NDUFAF1: variants seen among roughly 807,000 people sequenced by gnomAD.
The protein encoded by NDUFAF1 is complex I intermediate-associated protein 30, mitochondrial.
NDUFAF1 carries 18 observed loss-of-function variants against 28.7 expected under a neutral mutation model. The ratio of observed to expected loss-of-function variants is 0.63; its 90% CI spans 0.43 to 0.93. The LOEUF (loss-of-function observed/expected upper bound fraction) is 0.93. NDUFAF1 is among the 40% of genes least tolerant of loss of function. The probability of loss-of-function intolerance (pLI) is 0.00; values close to 1 mark genes in which losing one functional copy is unlikely to be tolerated. For synonymous variants in NDUFAF1, 113 were observed against 139.7 expected (o/e 0.81, Z 1.35); for missense variants, 404 against 398.3 (o/e 1.01, Z -0.12).
At chr15:41,392,227 C>T (rs28393472) in intron 3 of NDUFAF1, among the ~76,000 whole-genome samples, 13,250 of 151,960 alleles carry the variant, frequency 0.087, 726 homozygotes, top group African/African-American at 0.16. Context: ...CGTGTGCCAC[C>T]ACCTGCTGCT....
Position 41,395,162 on chromosome 15 carries a change from C to T in NDUFAF1, c.574-118G>A. ...CTAACCATTTTTCTGACTTTCTGCC[C>T]CATAAGAAGGCACATAAACCCAGTG... On this transcript the variant is annotated intron_variant, in intron 2 of 4. Coordinates refer to ENST00000260361, the MANE Select transcript of NDUFAF1 (RefSeq NM_016013.4). 3.4e-6 allele frequency: 3 copies of T among 877,964 alleles called. No individual in the cohort carries two copies. In the South Asian group the frequency reaches 4.3e-5, roughly 12 times the overall value. The allele number at this position is 877,964 out of a possible 1,614,324, so 54.4% of individuals were successfully genotyped here. A position where few individuals can be genotyped will look rare whatever the true frequency, so the allele number is the denominator to read the frequency against.
In NDUFAF1 at chr15:41,397,091, C is replaced by G. The variant is rs766675988; in HGVS notation, c.-32G>C. The G allele has an allele frequency of 6.2e-7, 1 of 1,603,284 alleles. No individual in the cohort carries two copies. Among genetic ancestry groups the G allele is most frequent in the Non-Finnish European group, 8.5e-7 (1 of 1,172,380 alleles). ...AAAAAATCAAAATGTAAGTTTCTTC[C>G]TGGGCTAGCAAGGGCCACCAAGAAG... is the stretch of plus-strand genomic sequence containing the variant. On this transcript the variant is annotated 5_prime_UTR_variant, in exon 2 of 5. Transcript: ENST00000260361.
intron 4 of NDUFAF1, 89 bp from the exon 5 acceptor site, chr15:41,387,682 T>C: frequency 8.8e-7 from 1 of 1,135,724 alleles, no homozygotes; most frequent in Non-Finnish European, 1.3e-6. Context: ...CAGGTGATGA[T>C]TATAACTGGG....
chr15:41,393,297 T>C lies in NDUFAF1; in HGVS notation c.759+1562A>G, dbSNP rs543034161. ...ACACCACCATGCCCGGCTAATTTTT[T>C]TTTTTTTTTTTTTTTTTTTGAGACG... On this transcript the variant is annotated intron_variant, in intron 3 of 4. Coordinates refer to ENST00000260361, the MANE Select transcript of NDUFAF1 (RefSeq NM_016013.4). Among the ~76,000 whole-genome samples the C allele has an allele frequency of 3.4e-3, 484 of 142,364 alleles. 5 individuals carry two copies. The highest frequency in any genetic ancestry group is 0.012 in the African/African-American group (464 of 38,490). The allele number at this position is 142,364 out of a possible 152,430, so 93.4% of individuals were successfully genotyped here.
chr15:41,402,985 C>T (rs1426629307), upstream of NDUFAF1, among the ~76,000 whole-genome samples: 2 of 151,986 alleles, frequency 1.3e-5, no homozygotes, highest in African/African-American at 2.4e-5. Flanking sequence ...CCGCCTCGGC[C>T]TCCCAAAGTG....
chr15:41,394,191 G>A (rs1566823360), intron 3 of NDUFAF1: 2 of 462,962 alleles, frequency 4.3e-6, no homozygotes, highest in Non-Finnish European at 4.3e-6. Flanking sequence ...ACCACGCCCA[G>A]CTAATTTTGT....
At chr15:41,400,279 G>A (rs1566827372) in intron 1 of NDUFAF1, among the ~76,000 whole-genome samples, 1 of 147,346 alleles carries the variant, frequency 6.8e-6, no homozygotes, top group South Asian at 2.2e-4. Context: ...GCTAAGGCAG[G>A]AGAATAGCTT....
Position 41,402,473 on chromosome 15 carries a change from G to T in NDUFAF1, c.-411C>A, listed in dbSNP as rs995876103. The T allele has an allele frequency of 3.1e-5, 12 of 383,206 alleles. No homozygotes were observed. The highest frequency in any genetic ancestry group is 2.3e-4 in the African/African-American group (11 of 47,718). The allele number at this position is 383,206 out of a possible 1,614,324, so 23.7% of individuals were successfully genotyped here. A position where few individuals can be genotyped will look rare whatever the true frequency, so the allele number is the denominator to read the frequency against. On this transcript the variant is annotated 5_prime_UTR_variant, in exon 1 of 5. Coordinates refer to ENST00000260361, the MANE Select transcript of NDUFAF1 (RefSeq NM_016013.4). ...TCCCCGAGCCTATAGTGTACCTTCC[G>T]CCCAGAAGCCACTTTACCCGTATAG...
intron 3 of NDUFAF1, among the ~76,000 whole-genome samples, chr15:41,390,724 CAA>C (rs574547415): frequency 4.8e-4 from 57 of 117,764 alleles, no homozygotes; most frequent in African/African-American, 1.5e-3. Context: ...GACTCTGTCT[CAA>C]AAAAAAAAAA....
intron 1 of NDUFAF1, among the ~76,000 whole-genome samples, chr15:41,400,703 T>TAG: frequency 7.1e-6 from 1 of 140,244 alleles, no homozygotes; most frequent in Non-Finnish European, 1.5e-5. Flanking sequence ...TTTTTTTTTT[T>TAG]TTTTTTTGGA....
At chr15:41,396,034 G>C (rs1479327478) in intron 2 of NDUFAF1, among the ~76,000 whole-genome samples, 2 of 151,316 alleles carry the variant, frequency 1.3e-5, no homozygotes, top group Admixed American at 6.6e-5. Context: ...GTTGCAGTGA[G>C]CCGAGATCAC....
In NDUFAF1 at chr15:41,387,511, T is replaced by C. The variant is rs2050267089; in HGVS notation, c.917A>G (p.Asp306Gly). Residue 306 changes from aspartate (D) to glycine (G), a missense_variant, in exon 5 of 5, where the codon GAT becomes GGT. Asp to Gly is a moderately conservative substitution (Grantham distance 94). Coordinates refer to ENST00000260361, the MANE Select transcript of NDUFAF1 (RefSeq NM_016013.4). ...LEIDFIGVFT[D>G]PAHTEEFAYE... Reference sequence around the variant, plus strand: ...GGCAAATTCTTCTGTATGAGCTGGATCAGTAAACACGCCAATAAAATCTAT... The same window carrying C: ...GGCAAATTCTTCTGTATGAGCTGGACCAGTAAACACGCCAATAAAATCTAT... 6.2e-7 allele frequency: 1 copy of C among 1,613,382 alleles called. No homozygotes were observed. Among genetic ancestry groups the C allele is most frequent in the South Asian group, 1.1e-5 (1 of 91,088 alleles).
chr15:41,390,359 C>T (rs1432079117), intron 3 of NDUFAF1, among the ~76,000 whole-genome samples: 2 of 152,120 alleles, frequency 1.3e-5, no homozygotes, highest in Non-Finnish European at 2.9e-5. Context: ...AGTGAAAATA[C>T]TGTATATATG....
At chr15:41,390,433 T>C (rs747233175) in intron 3 of NDUFAF1, among the ~76,000 whole-genome samples, 4 of 152,154 alleles carry the variant, frequency 2.6e-5, no homozygotes, top group Admixed American at 2.6e-4. Context: ...ATATTAAAAA[T>C]AGTATTTTTG....
At chr15:41,391,805 G>A (rs2050320179) in intron 3 of NDUFAF1, among the ~76,000 whole-genome samples, 1 of 152,126 alleles carries the variant, frequency 6.6e-6, no homozygotes, top group Non-Finnish European at 1.5e-5. Flanking sequence ...GCCTCTCTGA[G>A]GCAACTTTTG....
chr15:41,396,082 C>T (rs1365689616), intron 2 of NDUFAF1, among the ~76,000 whole-genome samples: 2 of 150,500 alleles, frequency 1.3e-5, no homozygotes, highest in African/African-American at 2.4e-5. Context: ...AGCAAGACTC[C>T]GTTTCAAAAA....
At chr15:41,395,857 TG>T (rs1434589482) in intron 2 of NDUFAF1, among the ~76,000 whole-genome samples, 26 of 151,100 alleles carry the variant, frequency 1.7e-4, no homozygotes, top group African/African-American at 5.8e-4. Flanking sequence ...AGGCCAAGGG[TG>T]GGGTGGATCA....
chr15:41,395,043 C>A lies in NDUFAF1; in HGVS notation c.575G>T (p.Gly192Val). ...YCAMISRIPR[G>V]AFERKMSYDW... ...GTAAGACATCTTCCTCTCAAAAGCA[C>A]CCTAAGATATTGAAAGTAAAGTTCA... The change falls in exon 3 of 5, where the codon GGT becomes GTT. Residue 192 changes from glycine (G) to valine (V), a missense_variant and splice_region_variant. By Grantham distance (109) the Gly-to-Val change is moderately radical (BLOSUM62 -3). Transcript: ENST00000260361. The A allele has an allele frequency of 6.2e-7, 1 of 1,613,620 alleles. No homozygotes were observed. The highest frequency in any genetic ancestry group is 8.5e-7 in the Non-Finnish European group (1 of 1,179,772).
intron 3 of NDUFAF1, among the ~76,000 whole-genome samples, chr15:41,392,203 GCTGGGACTACAGGCGTGTGCCACCAC>G (rs1455040066): frequency 6.6e-6 from 1 of 151,664 alleles, no homozygotes; most frequent in East Asian, 1.9e-4. Context: ...CTCCTGAGGA[GCTGGGACTACAGGCGTGTGCCACCAC>G]CTGCTGCTAA....
Sources: allele counts gnomAD v4.1 joint callset (sites outside exome capture counted in the v4.1 genomes callset), GRCh38; gene constraint gnomAD v4.1.1; transcripts MANE v1.5; gene names NCBI Gene and HGNC (gene_info 2026-07-23, HGNC 2026-07-21).